The following CSMD3 variants were observed in gnomAD, a reference collection of about 807,000 sequenced individuals.
CSMD3 encodes CUB and Sushi multiple domains 3, also known as CUB and sushi domain-containing protein 3.
CSMD3 carries 177 observed loss-of-function variants against 435.2 expected under a neutral mutation model. The observed-to-expected ratio is 0.41, with a 90% CI of 0.36 to 0.46. The LOEUF is 0.46. Among genes scored for constraint, CSMD3 ranks in the 20% least tolerant of loss-of-function variants. The probability of loss-of-function intolerance (pLI) is 0.34; values close to 1 mark genes in which losing one functional copy is unlikely to be tolerated. For missense variants in CSMD3, 4,265 were observed against 4,504.6 expected (o/e 0.95, Z 1.52); for synonymous variants, 1,656 against 1,520.5 (o/e 1.09, Z -2.07).
intron 19 of CSMD3, among the ~76,000 whole-genome samples, chr8:112,646,245 A>T (rs1248126576): frequency 6.6e-6 from 1 of 152,206 alleles, no homozygotes; most frequent in Non-Finnish European, 1.5e-5. Flanking sequence ...CACTGAACAC[A>T]AGCATGAAAA....
At chr8:112,811,208 G>A (rs1013784241) in intron 12 of CSMD3, among the ~76,000 whole-genome samples, 5 of 151,698 alleles carry the variant, frequency 3.3e-5, no homozygotes, top group Non-Finnish European at 4.4e-5. Context: ...AATAATTATC[G>A]TGTTATAAAA....
At chr8:113,241,217 G>A (rs2132244421) in intron 3 of CSMD3, among the ~76,000 whole-genome samples, 1 of 152,148 alleles carries the variant, frequency 6.6e-6, no homozygotes, top group Non-Finnish European at 1.5e-5. Context: ...AAATTATGGG[G>A]ACTATGTTCA....
At chr8:113,342,450 G>GA (rs2094126051) in intron 1 of CSMD3, among the ~76,000 whole-genome samples, 1 of 152,040 alleles carries the variant, frequency 6.6e-6, no homozygotes, top group Non-Finnish European at 1.5e-5. Flanking sequence ...TAAAGATAAA[G>GA]AAAAAACTGC....
At chr8:113,081,350 C>T (rs1214630092) in intron 5 of CSMD3, among the ~76,000 whole-genome samples, 1 of 152,132 alleles carries the variant, frequency 6.6e-6, no homozygotes, top group Non-Finnish European at 1.5e-5. Flanking sequence ...TGTTCCTTGG[C>T]TTGGAGGTGT....
At chr8:112,284,176 A>G (rs1818942738) in intron 58 of CSMD3, among the ~76,000 whole-genome samples, 1 of 144,528 alleles carries the variant, frequency 6.9e-6, no homozygotes, top group Non-Finnish European at 1.6e-5. Context: ...ACCATTTGCC[A>G]TCATTTAAAA....
At chr8:112,784,586 A>G (rs2078488143) in intron 13 of CSMD3, among the ~76,000 whole-genome samples, 1 of 152,052 alleles carries the variant, frequency 6.6e-6, no homozygotes, top group Admixed American at 6.6e-5. Context: ...AGGAGATATT[A>G]CAACTGATAC....
At chr8:113,182,209 A>C (rs2092430855) in intron 3 of CSMD3, among the ~76,000 whole-genome samples, 1 of 152,086 alleles carries the variant, frequency 6.6e-6, no homozygotes, top group Non-Finnish European at 1.5e-5. Context: ...TTTTTAAAAA[A>C]CAATTTTAAC....
At chr8:112,850,738 T>TACACA (rs1190521310) in intron 11 of CSMD3, among the ~76,000 whole-genome samples, 1 of 152,172 alleles carries the variant, frequency 6.6e-6, no homozygotes, top group East Asian at 1.9e-4. Flanking sequence ...CTTCACTTTC[T>TACACA]ATGTCTACAC....
intron 13 of CSMD3, among the ~76,000 whole-genome samples, chr8:112,777,918 A>G (rs1160460025): frequency 1.3e-5 from 2 of 151,916 alleles, no homozygotes; most frequent in African/African-American, 4.8e-5. Context: ...ACTAAATCAG[A>G]AAATCATATT....
At chr8:112,522,718 C>T (rs1386305572) in intron 27 of CSMD3, among the ~76,000 whole-genome samples, 1 of 151,834 alleles carries the variant, frequency 6.6e-6, no homozygotes, top group East Asian at 1.9e-4. Flanking sequence ...AATCGCTTTA[C>T]TCTGTTATGA....
At chr8:113,000,808 T>C (rs1161996000) in intron 6 of CSMD3, among the ~76,000 whole-genome samples, 1 of 152,024 alleles carries the variant, frequency 6.6e-6, no homozygotes, top group Non-Finnish European at 1.5e-5. Context: ...AGCTTAGAAC[T>C]TCTCATAAAC....
At chr8:113,031,040 T>G (rs1472283938) in intron 5 of CSMD3, among the ~76,000 whole-genome samples, 1 of 151,656 alleles carries the variant, frequency 6.6e-6, no homozygotes, top group Non-Finnish European at 1.5e-5. Flanking sequence ...CATATAATGC[T>G]AGCATGAATG....
chr8:113,093,731 A>C (rs2090077492), intron 5 of CSMD3, among the ~76,000 whole-genome samples: 1 of 152,172 alleles, frequency 6.6e-6, no homozygotes, highest in African/African-American at 2.4e-5. Context: ...TAAATTTGTT[A>C]GTTTAAATCT....
chr8:112,433,155 A>G (rs1033841971), intron 32 of CSMD3, among the ~76,000 whole-genome samples: 1 of 152,166 alleles, frequency 6.6e-6, no homozygotes, highest in African/African-American at 2.4e-5. Context: ...CAATGCTATC[A>G]TTGTTTATTT....
intron 3 of CSMD3, among the ~76,000 whole-genome samples, chr8:113,239,722 C>T (rs2093192124): frequency 6.6e-6 from 1 of 151,916 alleles, no homozygotes; most frequent in Non-Finnish European, 1.5e-5. Context: ...TGTGAAGGGA[C>T]TGTTCGTAGA....
chr8:113,052,204 T>G (rs1438796360), intron 5 of CSMD3, among the ~76,000 whole-genome samples: 1 of 152,234 alleles, frequency 6.6e-6, no homozygotes, highest in Admixed American at 6.5e-5. Flanking sequence ...TAGATGTATC[T>G]GTGAATCTTT....
At chr8:112,569,964 T>A (rs1277783036) in intron 24 of CSMD3, among the ~76,000 whole-genome samples, 2 of 152,142 alleles carry the variant, frequency 1.3e-5, no homozygotes, top group Non-Finnish European at 2.9e-5. Flanking sequence ...TACTGTGACC[T>A]CCTCTGCAAT....
intron 1 of CSMD3, among the ~76,000 whole-genome samples, chr8:113,383,759 G>T (rs536540013): frequency 2.6e-5 from 4 of 152,242 alleles, no homozygotes; most frequent in African/African-American, 7.2e-5. Flanking sequence ...CACCACAGGG[G>T]CAGTTTTTCA....
At chr8:112,690,229 T>C (rs1165286562) in intron 13 of CSMD3, among the ~76,000 whole-genome samples, 179 bp from the exon 14 acceptor site, 2 of 151,924 alleles carry the variant, frequency 1.3e-5, no homozygotes, top group African/African-American at 4.8e-5. Context: ...GATCTTTAGA[T>C]AATAATTAGT....
Sources: gnomAD v4.1 joint callset for allele counts (sites outside exome capture counted in the v4.1 genomes callset) on GRCh38, gnomAD v4.1.1 for gene constraint, MANE v1.5 for transcripts, NCBI Gene and HGNC (gene_info 2026-07-23, HGNC 2026-07-21) for gene names.